The following GCNT2 variants were observed in gnomAD, a reference collection of about 807,000 sequenced individuals.
GCNT2 encodes glucosaminyl (N-acetyl) transferase 2 (I blood group), also known as N-acetyllactosaminide beta-1,6-N-acetylglucosaminyl-transferase.
GCNT2 carries 34 observed loss-of-function variants against 34.2 expected under a neutral mutation model. The ratio of observed to expected loss-of-function variants is 1.00; its 90% CI spans 0.76 to 1.32. The LOEUF (loss-of-function observed/expected upper bound fraction) is 1.32. GCNT2 is among the 40% of genes most tolerant of loss of function. GCNT2 has a pLI of 0.00. For synonymous variants in GCNT2, 212 were observed against 188.0 expected (o/e 1.13, Z -1.04); for missense variants, 584 against 489.4 (o/e 1.19, Z -1.82).
At chr6:10,560,422 G>C (rs553603313) in intron 3 of GCNT2, among the ~76,000 whole-genome samples, 1 of 152,220 alleles carries the variant, frequency 6.6e-6, no homozygotes, top group Admixed American at 6.5e-5. Context: ...CATGTTTTAA[G>C]AGGAAAAATT....
intron 3 of GCNT2, among the ~76,000 whole-genome samples, chr6:10,575,949 T>C (rs999721096): frequency 6.6e-6 from 1 of 152,192 alleles, no homozygotes; most frequent in African/African-American, 2.4e-5. Context: ...CATCTCCCTT[T>C]GCTGACTCTC....
At chr6:10,621,532 A>C (rs1766037119) in intron 4 of GCNT2, 89 bp downstream of exon 4, 1 of 805,408 alleles carries the variant, frequency 1.2e-6, no homozygotes, top group Non-Finnish European at 2.2e-6. Flanking sequence ...ATGGAGAGAG[A>C]ATTGCTGCTA....
At chr6:10,598,973 G>T in intron 3 of GCNT2, among the ~76,000 whole-genome samples, 1 of 152,128 alleles carries the variant, frequency 6.6e-6, no homozygotes, top group Non-Finnish European at 1.5e-5. Flanking sequence ...GTGTAAATAA[G>T]TGTTGTATTT....
intron 3 of GCNT2, among the ~76,000 whole-genome samples, chr6:10,570,280 A>G (rs963910536): frequency 1.3e-5 from 2 of 152,220 alleles, no homozygotes; most frequent in Non-Finnish European, 2.9e-5. Flanking sequence ...AATAAGTGGC[A>G]GAAGGCTTTC....
intron 3 of GCNT2, among the ~76,000 whole-genome samples, chr6:10,537,967 C>T (rs965360289): frequency 8.6e-5 from 13 of 151,858 alleles, no homozygotes; most frequent in African/African-American, 2.9e-4. Flanking sequence ...CATAGCTGAC[C>T]GGGAGCTGGG....
At position 10,529,269 on chromosome 6, in the gene GCNT2, C is replaced by A; in HGVS notation, c.358C>A (p.Pro120Thr). 2 of 1,614,090 alleles carry A rather than the reference C, an allele frequency of 1.2e-6. No homozygotes were observed. The highest frequency in any genetic ancestry group is 1.7e-6 in the Non-Finnish European group (2 of 1,180,000). ...GAGGCTCTTCAGGGCGATTTATATG[C>A]CCCAAAATGTCTACTGTGTGCACCT... ...FERLFRAIYMPQNVYCVHLDQ... is the reference protein window; with the variant it reads ...FERLFRAIYMTQNVYCVHLDQ... The change falls in exon 3 of 5, where the codon CCC becomes ACC. Residue 120 changes from proline to threonine, a missense_variant. By Grantham distance (38) the Pro-to-Thr change is conservative. Transcript: ENST00000495262.
chr6:10,557,323 G>A (rs561972111), intron 3 of GCNT2: 1 of 1,613,290 alleles, frequency 6.2e-7, no homozygotes, highest in South Asian at 1.1e-5. Context: ...ATTTCTGGGT[G>A]ACACTCAATA....
rs182868486 is a variant in GCNT2 at position 10,587,856 on chromosome 6, C to T, written c.926-33495C>T. Among the ~76,000 whole-genome samples, 5 of 152,286 alleles carry T rather than the reference C, an allele frequency of 3.3e-5. No individual in the cohort carries two copies. In the East Asian group the frequency reaches 9.6e-4, roughly 29 times the overall value. On this transcript the variant is annotated intron_variant, in intron 3 of 4. Transcript: ENST00000495262. ...ATGGTTGTGGGTGACTGGTGGTTCT[C>T]ATGAGCACAGTGACCCCGACAAGCC...
At chr6:10,525,134 C>G (rs536040593) in intron 1 of GCNT2, among the ~76,000 whole-genome samples, 2 of 152,202 alleles carry the variant, frequency 1.3e-5, no homozygotes, top group African/African-American at 2.4e-5. Context: ...GCTTCTCTTT[C>G]TACAGTCAGT....
chr6:10,584,153 G>A (rs964094805), intron 3 of GCNT2, among the ~76,000 whole-genome samples: 3 of 152,286 alleles, frequency 2.0e-5, no homozygotes, highest in Middle Eastern at 3.4e-3. Context: ...TCTTGGCGAG[G>A]GGAATGTGGT....
intron 3 of GCNT2, among the ~76,000 whole-genome samples, chr6:10,571,783 C>T (rs1763565160): frequency 6.6e-6 from 1 of 152,126 alleles, no homozygotes; most frequent in African/African-American, 2.4e-5. Context: ...ACTGTAAAGC[C>T]ATCCCATGAA....
chr6:10,585,552 G>A (rs1039231000), intron 3 of GCNT2, among the ~76,000 whole-genome samples: 4 of 152,220 alleles, frequency 2.6e-5, no homozygotes, highest in African/African-American at 9.6e-5. Context: ...GAAAGCGTGA[G>A]AAGGGAGATC....
Position 10,529,643 on chromosome 6 carries a change from G to GA in GCNT2, c.733dup (p.Ile245AsnfsTer2), listed in dbSNP as rs1561778369. On this transcript the variant is annotated frameshift_variant, in exon 3 of 5. Transcript: ENST00000495262. LOFTEE classifies it high-confidence loss of function. ...TGTTAAACCACAAAAATTCCTACGT[G>GA]ATTAAAACAACAAAATTAAAAACTC... 2 of 1,614,012 alleles carry GA rather than the reference G, an allele frequency of 1.2e-6. No individual in the cohort carries two copies. The highest frequency in any genetic ancestry group is 1.7e-6 in the Non-Finnish European group (2 of 1,179,988).
chr6:10,532,233 A>AC (rs1221619771), intron 3 of GCNT2, among the ~76,000 whole-genome samples: 2 of 151,898 alleles, frequency 1.3e-5, no homozygotes, highest in Admixed American at 6.6e-5. Context: ...CTTAAGGGAA[A>AC]CCCCCTGACT....
chr6:10,565,744 A>G (rs1044911623), intron 3 of GCNT2, among the ~76,000 whole-genome samples: 1 of 151,974 alleles, frequency 6.6e-6, no homozygotes, highest in South Asian at 2.1e-4. Context: ...ACCGGCCAAG[A>G]TAGTATCGCT....
chr6:10,571,039 T>A (rs1378453544), intron 3 of GCNT2, among the ~76,000 whole-genome samples: 1 of 152,146 alleles, frequency 6.6e-6, no homozygotes, highest in Non-Finnish European at 1.5e-5. Flanking sequence ...AATGACAGCG[T>A]TTAGAACCAC....
intron 3 of GCNT2, among the ~76,000 whole-genome samples, chr6:10,585,111 AAATT>A (rs1412774145): frequency 1.1e-4 from 17 of 151,608 alleles, no homozygotes; most frequent in African/African-American, 3.9e-4. Context: ...ATTAGAATCT[AAATT>A]AATCTACCTT....
intron 3 of GCNT2, among the ~76,000 whole-genome samples, chr6:10,560,457 CTT>C: frequency 6.6e-6 from 1 of 152,246 alleles, no homozygotes; most frequent in South Asian, 2.1e-4. Flanking sequence ...GGGTAAACAT[CTT>C]TTTGCAAACG....
chr6:10,607,279 C>T (rs1765362080), intron 3 of GCNT2, among the ~76,000 whole-genome samples: 1 of 152,140 alleles, frequency 6.6e-6, no homozygotes, highest in Non-Finnish European at 1.5e-5. Context: ...GGCATCTGCT[C>T]AGCATCTGGG....
Sources: gnomAD v4.1 joint callset for allele counts (sites outside exome capture counted in the v4.1 genomes callset) on GRCh38, gnomAD v4.1.1 for gene constraint, MANE v1.5 for transcripts, NCBI Gene and HGNC (gene_info 2026-07-23, HGNC 2026-07-21) for gene names.